The following CLDN14 variants were observed in gnomAD, a reference collection of about 807,000 sequenced individuals.
CLDN14 encodes the protein claudin-14.
CLDN14 carries 2 observed loss-of-function variants against 2.1 expected under a neutral mutation model. The ratio of observed to expected loss-of-function variants is 0.96; its 90% CI spans 0.39 to 3.01. The LOEUF (loss-of-function observed/expected upper bound fraction) is 3.01, where lower values mean the gene tolerates loss of function less well. Among genes scored for constraint, CLDN14 ranks in the 30% most tolerant of loss-of-function variants. CLDN14 has a pLI of 0.09. For synonymous variants in CLDN14, 136 were observed against 154.4 expected, an observed-to-expected ratio of 0.88 and a Z score of 0.88; for missense variants, 298 against 328.0, an observed-to-expected ratio of 0.91 and a Z score of 0.71.
chr21:36,552,415 C>T (rs781069995), intron 1 of CLDN14, among the ~76,000 whole-genome samples: 73 of 152,164 alleles, frequency 4.8e-4, no homozygotes, highest in Non-Finnish European at 9.1e-4. Context: ...GTTGAGCGGG[C>T]ACACTTAAGG....
chr21:36,547,689 A>G (rs1027622756), intron 1 of CLDN14, among the ~76,000 whole-genome samples: 1 of 152,188 alleles, frequency 6.6e-6, no homozygotes, highest in African/African-American at 2.4e-5. Flanking sequence ...AGGGCCAGGC[A>G]GTGACGTGGC....
intron 1 of CLDN14, among the ~76,000 whole-genome samples, chr21:36,533,354 C>T (rs946677420): frequency 1.3e-5 from 2 of 152,168 alleles, no homozygotes; most frequent in African/African-American, 4.8e-5. Context: ...TGGGTGTGAC[C>T]AACTGTTAAC....
intron 1 of CLDN14, among the ~76,000 whole-genome samples, chr21:36,523,608 C>A (rs1035410726): frequency 3.3e-5 from 5 of 151,252 alleles, no homozygotes; most frequent in African/African-American, 4.9e-5. Flanking sequence ...ATTAGCCATG[C>A]GTGGTGGTGT....
intron 1 of CLDN14, among the ~76,000 whole-genome samples, chr21:36,519,530 C>G (rs188086743): frequency 2.1e-3 from 326 of 152,154 alleles, no homozygotes; most frequent in African/African-American, 7.4e-3. Flanking sequence ...GGCCAACAGA[C>G]GAAACCTCAT....
intron 2 of CLDN14, among the ~76,000 whole-genome samples, chr21:36,507,085 T>C (rs1157107553): frequency 6.6e-6 from 1 of 151,688 alleles, no homozygotes; most frequent in Non-Finnish European, 1.5e-5. Flanking sequence ...ATCACACCAC[T>C]GCACTCCAGC....
intron 1 of CLDN14, among the ~76,000 whole-genome samples, chr21:36,565,792 T>TA (rs1158558081): frequency 6.6e-6 from 1 of 152,182 alleles, no homozygotes; most frequent in Admixed American, 6.5e-5. Context: ...GCTGGTGCTA[T>TA]AAAAAAGTTC....
chr21:36,501,676 A>T (rs1268295860), intron 2 of CLDN14, among the ~76,000 whole-genome samples: 1 of 152,066 alleles, frequency 6.6e-6, no homozygotes, highest in Non-Finnish European at 1.5e-5. Context: ...CCAAACTCAC[A>T]CGTTCAACCC....
chr21:36,476,514 G>A (rs569164438), intron 1 of CLDN14, among the ~76,000 whole-genome samples: 6 of 151,560 alleles, frequency 4.0e-5, no homozygotes, highest in South Asian at 4.2e-4. Flanking sequence ...GCGCGGTGGT[G>A]CGATCTCAGC....
chr21:36,500,265 C>T (rs892303395), intron 2 of CLDN14, among the ~76,000 whole-genome samples: 10 of 152,086 alleles, frequency 6.6e-5, no homozygotes, highest in South Asian at 4.2e-4. Flanking sequence ...GCCGGGAGCT[C>T]GCCTGAGGTC....
At chr21:36,501,087 A>G (rs1164403881) in intron 2 of CLDN14, among the ~76,000 whole-genome samples, 8 of 152,210 alleles carry the variant, frequency 5.3e-5, no homozygotes, top group Admixed American at 3.9e-4. Flanking sequence ...TGCCTGGCTA[A>G]TGGCCTGCCA....
chr21:36,486,577 A>G (rs1271321156), intron 2 of CLDN14: 2 of 1,554,666 alleles, frequency 1.3e-6, no homozygotes, highest in African/African-American at 1.4e-5. Context: ...AGCTGGGCCC[A>G]GGAGGCACTG....
At chr21:36,550,618 T>C (rs1421186913) in intron 1 of CLDN14, among the ~76,000 whole-genome samples, 1 of 152,144 alleles carries the variant, frequency 6.6e-6, no homozygotes, top group Non-Finnish European at 1.5e-5. Context: ...CAGGCCTGGA[T>C]CACATGCTCC....
At chr21:36,564,535 C>G (rs900343191) in intron 1 of CLDN14, among the ~76,000 whole-genome samples, 7 of 152,190 alleles carry the variant, frequency 4.6e-5, no homozygotes, top group African/African-American at 1.7e-4. Flanking sequence ...GGGATTGAGT[C>G]TCTTTGGTGA....
rs566464704 is a variant in CLDN14 at position 36,505,858 on chromosome 21, G to A, written c.-82+4505C>T. 9.5e-4 allele frequency among the ~76,000 whole-genome samples: 145 copies of A among 152,328 alleles called. 1 individual carries two copies. The highest frequency in any genetic ancestry group is 3.2e-3 in the African/African-American group (134 of 41,554). On this transcript the variant is annotated intron_variant, in intron 2 of 2. Transcript: ENST00000342108. ...GGATGGAGGGGAGGCGTAAGGCACT[G>A]TGGACTTCCATTTATGGGTAACTGT...
At chr21:36,545,893 C>T (rs532872446) in intron 1 of CLDN14, among the ~76,000 whole-genome samples, 10 of 152,234 alleles carry the variant, frequency 6.6e-5, no homozygotes, top group African/African-American at 2.4e-4. Flanking sequence ...GAGGAGGCAA[C>T]GAAACCTCTT....
At chr21:36,465,590 C>T (rs373023892) in intron 1 of CLDN14, among the ~76,000 whole-genome samples, 79 of 152,306 alleles carry the variant, frequency 5.2e-4, no homozygotes, top group Middle Eastern at 3.4e-3. Flanking sequence ...TTTAACTGAA[C>T]GCATCTCCCT....
intron 1 of CLDN14, among the ~76,000 whole-genome samples, chr21:36,479,258 C>G (rs2086815660): frequency 6.6e-6 from 1 of 152,168 alleles, no homozygotes; most frequent in Non-Finnish European, 1.5e-5. Context: ...TATTGTCGTT[C>G]CTGGCTCATT....
intron 2 of CLDN14, chr21:36,487,122 C>A: frequency 4.8e-6 from 1 of 208,078 alleles, no homozygotes; most frequent in South Asian, 7.9e-5. Flanking sequence ...GTAGCTGGAA[C>A]TACAGGCGCC....
chr21:36,482,784 C>T (rs184109768), upstream of CLDN14, among the ~76,000 whole-genome samples: 162 of 152,260 alleles, frequency 1.1e-3, 1 homozygote, highest in Non-Finnish European at 2.1e-3. Flanking sequence ...GTGAAAGTCA[C>T]GACGCTTCCA....
Sources: allele counts gnomAD v4.1 joint callset (sites outside exome capture counted in the v4.1 genomes callset), GRCh38; gene constraint gnomAD v4.1.1; transcripts MANE v1.5; gene names NCBI Gene and HGNC (gene_info 2026-07-23, HGNC 2026-07-21).